COPB1: variants seen among roughly 807,000 people sequenced by gnomAD.
COPB1 encodes the protein coatomer subunit beta.
COPB1 carries 21 observed loss-of-function variants against 108.7 expected under a neutral mutation model. That is an observed-to-expected ratio of 0.19 (90% confidence interval 0.14 to 0.28). The LOEUF is 0.28. COPB1 is among the 10% of genes least tolerant of loss of function. The pLI is 1.00. For synonymous variants in COPB1, 378 were observed against 386.8 expected, an observed-to-expected ratio of 0.98 and a Z score of 0.27; for missense variants, 919 against 1,141.3, an observed-to-expected ratio of 0.81 and a Z score of 2.81.
At chr11:14,467,464 T>C (rs556286627) in intron 16 of COPB1, among the ~76,000 whole-genome samples, 1 of 152,226 alleles carries the variant, frequency 6.6e-6, no homozygotes, top group East Asian at 1.9e-4. Context: ...GTAGCTACCA[T>C]GAAAAACACA....
At chr11:14,480,398 T>TA (rs1471515193) in intron 10 of COPB1, among the ~76,000 whole-genome samples, 1 of 152,222 alleles carries the variant, frequency 6.6e-6, no homozygotes, top group Non-Finnish European at 1.5e-5. Flanking sequence ...TCTACATATG[T>TA]GAATTTTTCC....
intron 14 of COPB1, among the ~76,000 whole-genome samples, chr11:14,471,782 C>T (rs956851323): frequency 2.6e-5 from 4 of 152,066 alleles, no homozygotes; most frequent in East Asian, 1.9e-4. Context: ...ATTAGACAGG[C>T]GTGGTGGCAG....
intron 4 of COPB1, among the ~76,000 whole-genome samples, chr11:14,491,340 G>T (rs1052376845): frequency 2.6e-5 from 4 of 151,912 alleles, no homozygotes; most frequent in African/African-American, 9.7e-5. Flanking sequence ...GAACCACCAC[G>T]CCCGGCCTGC....
chr11:14,487,106 T>C lies in COPB1; in HGVS notation c.700-602A>G, dbSNP rs556215138. On this transcript the variant is annotated intron_variant, in intron 6 of 21. Transcript: ENST00000439561. ...TACTACTACTTATTATTTGAGACTA[T>C]ATTCAACATTGGAGAGAAAACTAAA... Among the ~76,000 whole-genome samples the C allele has an allele frequency of 3.3e-5, 5 of 152,344 alleles. No individual in the cohort carries two copies. In the South Asian group the frequency reaches 1.0e-3, roughly 32 times the overall value.
intron 18 of COPB1, among the ~76,000 whole-genome samples, chr11:14,464,414 G>C (rs1200033430): frequency 6.6e-6 from 1 of 151,836 alleles, no homozygotes; most frequent in Non-Finnish European, 1.5e-5. Flanking sequence ...TCTATCATTT[G>C]TTCCTCACCA....
At chr11:14,492,525 T>C (rs1349295208) in intron 4 of COPB1, among the ~76,000 whole-genome samples, 1 of 151,744 alleles carries the variant, frequency 6.6e-6, no homozygotes, top group Non-Finnish European at 1.5e-5. Flanking sequence ...GTATTTTTAG[T>C]AGAGACGGGG....
chr11:14,462,697 C>A (rs1850187098), intron 18 of COPB1, among the ~76,000 whole-genome samples: 1 of 152,292 alleles, frequency 6.6e-6, no homozygotes, highest in East Asian at 1.9e-4. Flanking sequence ...GAAGTACTAC[C>A]TCATTTCTTC....
At position 14,481,016 on chromosome 11, in the gene COPB1, G is replaced by T; in HGVS notation, c.1039C>A (p.Leu347Ile). Reference protein sequence around the residue: ...RKKTLQLALDLVSSRNVEELV... With the variant: ...RKKTLQLALDIVSSRNVEELV... ...TCTTCAACATTTCTAGAAGAGACAA[G>T]ATCCAGTGCTAACTGCAGAGTTTTC... Residue 347 changes from leucine (L) to isoleucine (I), a missense_variant, in exon 9 of 22, where the codon CTT (leucine) becomes ATT (isoleucine). Leu to Ile is a conservative substitution (Grantham distance 5). Coordinates refer to ENST00000439561, the MANE Select transcript of COPB1 (RefSeq NM_001144061.2). 1 of 1,613,890 alleles carries T rather than the reference G, an allele frequency of 6.2e-7. No individual in the cohort carries two copies. Among genetic ancestry groups the T allele is most frequent in the Non-Finnish European group, 8.5e-7 (1 of 1,179,892 alleles).
At chr11:14,474,827 G>A (rs1323841864) in intron 13 of COPB1, among the ~76,000 whole-genome samples, 1 of 152,120 alleles carries the variant, frequency 6.6e-6, no homozygotes, top group Non-Finnish European at 1.5e-5. Flanking sequence ...CAGGTGCAGT[G>A]GCTCACACCT....
intron 2 of COPB1, among the ~76,000 whole-genome samples, chr11:14,498,277 C>G (rs1851072250): frequency 6.6e-6 from 1 of 152,148 alleles, no homozygotes; most frequent in African/African-American, 2.4e-5. Flanking sequence ...TCATGTACCC[C>G]ATAAATATAT....
At chr11:14,491,623 C>T (rs895633476) in intron 4 of COPB1, among the ~76,000 whole-genome samples, 22 of 147,412 alleles carry the variant, frequency 1.5e-4, no homozygotes, top group Non-Finnish European at 3.0e-4. Context: ...AAGCTGAGAT[C>T]GTGCCATTGC....
chr11:14,477,467 G>A (rs1175697216), intron 11 of COPB1, among the ~76,000 whole-genome samples: 4 of 151,482 alleles, frequency 2.6e-5, no homozygotes, highest in South Asian at 2.1e-4. Context: ...TGAGGCCAGC[G>A]GATCACTTGA....
In COPB1 at chr11:14,481,115, A is replaced by G. The variant is rs765467925; in HGVS notation, c.958-18T>C. 5.1e-6 allele frequency: 8 copies of G among 1,578,990 alleles called. No homozygotes were observed. Among genetic ancestry groups the G allele is most frequent in the Middle Eastern group, 1.7e-4 (1 of 5,986 alleles). On this transcript the variant is annotated intron_variant, in intron 8 of 21. Coordinates refer to ENST00000439561, the MANE Select transcript of COPB1 (RefSeq NM_001144061.2). ...ACCAGATCCTAAAAAAGAAGAAAAA[A>G]TCAAGAATTAACACCAATCTTTCTG... is the stretch of plus-strand genomic sequence containing the variant.
chr11:14,480,768 A>T lies in COPB1; in HGVS notation c.1203T>A (p.Val401=). ...CATCAGAATTACATACCACAGGAAT[A>T]ACATTTGCAGCCATATCTGGAAATC... ...SVRFPDMAAN[V]IPVLMEFLSD... is the part of the protein sequence containing the mutation. Residue 401 remains valine, a synonymous_variant, in exon 10 of 22, where the codon GTT becomes GTA. Coordinates refer to ENST00000439561, the MANE Select transcript of COPB1 (RefSeq NM_001144061.2). 6.2e-7 allele frequency: 1 copy of T among 1,613,148 alleles called. No individual in the cohort carries two copies. Among genetic ancestry groups the T allele is most frequent in the South Asian group, 1.1e-5 (1 of 90,648 alleles).
At chr11:14,473,876 A>G (rs1001075223) in intron 14 of COPB1, 1 of 152,160 alleles carries the variant, frequency 6.6e-6, no homozygotes, top group African/African-American at 2.4e-5. Flanking sequence ...GCAAAGTACA[A>G]TAAAATGAAG....
At chr11:14,477,812 G>A (rs963635221) in intron 11 of COPB1, among the ~76,000 whole-genome samples, 4 of 150,728 alleles carry the variant, frequency 2.7e-5, no homozygotes, top group South Asian at 2.1e-4. Context: ...CTGGAGAATC[G>A]CTTGAACATG....
chr11:14,458,074 A>ATTTTTTTTTTTTTTTTTTTTTTTTTTTTT (rs748562590), intron 21 of COPB1, among the ~76,000 whole-genome samples, 191 bp from the exon 22 acceptor site: 1 of 100,728 alleles, frequency 9.9e-6, no homozygotes, highest in African/African-American at 4.0e-5. Context: ...CCGTCACCAG[A>ATTTTTTTTTTTTTTTTTTTTTTTTTTTTT]TTTTTTTTTT....
chr11:14,473,249 G>A (rs1032448932), intron 14 of COPB1, among the ~76,000 whole-genome samples: 4 of 152,096 alleles, frequency 2.6e-5, no homozygotes, highest in Non-Finnish European at 5.9e-5. Context: ...GCTGGTGTGA[G>A]TCACCACGCC....
rs1353524016 is a variant in COPB1 at position 14,481,046 on chromosome 11, G to A, written c.1009C>T (p.Arg337Ter). The A allele has an allele frequency of 6.2e-7, 1 of 1,613,684 alleles. No individual in the cohort carries two copies. The highest frequency in any genetic ancestry group is 8.5e-7 in the Non-Finnish European group (1 of 1,179,904). The stretch of plus-strand genomic sequence containing the variant: ...AGTGCTAACTGCAGAGTTTTCTTTC[G>A]TACTTCTAAGTCTGGTGTGCTCAAT... ...RVLSTPDLEV[R>*]KKTLQLALDL... Residue 337 changes from arginine (R) to a stop codon, truncating the protein, a stop_gained, in exon 9 of 22, where the codon CGA (arginine) becomes TGA (stop). Transcript: ENST00000439561. LOFTEE classifies it high-confidence loss of function.
Sources: gnomAD v4.1 joint callset for allele counts (sites outside exome capture counted in the v4.1 genomes callset) on GRCh38, gnomAD v4.1.1 for gene constraint, MANE v1.5 for transcripts, NCBI Gene and HGNC (gene_info 2026-07-23, HGNC 2026-07-21) for gene names.